LPGAT1: variants seen among roughly 807,000 people sequenced by gnomAD.
The protein encoded by LPGAT1 is lysophosphatidylglycerol acyltransferase 1.
Under a neutral mutation model 47.5 loss-of-function variants are expected in LPGAT1, and 11 were observed. That is an observed-to-expected ratio of 0.23 (90% confidence interval 0.15 to 0.38). The LOEUF is 0.38. LPGAT1 is among the 10% of genes least tolerant of loss of function. The probability of loss-of-function intolerance (pLI) is 1.00; values close to 1 mark genes in which losing one functional copy is unlikely to be tolerated. For synonymous variants in LPGAT1, 138 were observed against 144.2 expected, an observed-to-expected ratio of 0.96 and a Z score of 0.31; for missense variants, 293 against 439.0, an observed-to-expected ratio of 0.67 and a Z score of 2.97.
intron 2 of LPGAT1, among the ~76,000 whole-genome samples, chr1:211,817,225 C>T (rs944878925): frequency 6.6e-6 from 1 of 152,158 alleles, no homozygotes; most frequent in African/African-American, 2.4e-5. Context: ...TTTCAAAAAA[C>T]TTGTCACAAA....
intron 2 of LPGAT1, among the ~76,000 whole-genome samples, chr1:211,807,928 G>A (rs1659820660): frequency 6.6e-6 from 1 of 151,956 alleles, no homozygotes; most frequent in Non-Finnish European, 1.5e-5. Context: ...CTTGGGGGCT[G>A]CCCAATTTTT....
At chr1:211,759,006 G>C (rs955817414) in intron 6 of LPGAT1, among the ~76,000 whole-genome samples, 2 of 152,116 alleles carry the variant, frequency 1.3e-5, no homozygotes, top group African/African-American at 4.8e-5. Context: ...TACTTTGATT[G>C]ATTTGAATTT....
At chr1:211,779,356 C>T (rs1658541340) in intron 5 of LPGAT1, among the ~76,000 whole-genome samples, 1 of 152,004 alleles carries the variant, frequency 6.6e-6, no homozygotes, top group African/African-American at 2.4e-5. Flanking sequence ...AAAAAACTAA[C>T]CTATGAAAAG....
chr1:211,808,075 A>T (rs1659827037), intron 2 of LPGAT1, among the ~76,000 whole-genome samples: 1 of 132,824 alleles, frequency 7.5e-6, no homozygotes, highest in Non-Finnish European at 1.7e-5. Flanking sequence ...AAGTATATAG[A>T]AAACTCACGC....
intron 4 of LPGAT1, among the ~76,000 whole-genome samples, chr1:211,783,734 T>C (rs1658732707): frequency 6.6e-6 from 1 of 152,336 alleles, no homozygotes; most frequent in Middle Eastern, 3.4e-3. Context: ...ATTGTTCTGA[T>C]TGCCCTTGAA....
At chr1:211,787,844 C>CGG (rs1398797867) in intron 3 of LPGAT1, 117 bp from the exon 4 acceptor site, 5 of 592,504 alleles carry the variant, frequency 8.4e-6, no homozygotes, top group Non-Finnish European at 1.5e-5. Context: ...ACCAAAATAT[C>CGG]TTAAGTCTAA....
intron 2 of LPGAT1, among the ~76,000 whole-genome samples, chr1:211,828,123 A>G (rs558600654): frequency 3.3e-4 from 51 of 152,324 alleles, no homozygotes; most frequent in African/African-American, 1.0e-3. Context: ...TCACTCTGCC[A>G]AGCTATGAAC....
At chr1:211,816,718 C>T (rs1486940979) in intron 2 of LPGAT1, among the ~76,000 whole-genome samples, 1 of 152,042 alleles carries the variant, frequency 6.6e-6, no homozygotes, top group African/African-American at 2.4e-5. Context: ...GTGCCAAACA[C>T]CAGGCTTCAC....
At position 211,820,192 on chromosome 1, in the gene LPGAT1, T is replaced by C. The variant is rs1379210726; in HGVS notation, c.238+8867A>G. On this transcript the variant is annotated intron_variant, in intron 2 of 7. Transcript: ENST00000366997. Reference sequence around the variant, plus strand: ...TGTCATATGTGAAAAAGACTACCTCTGAGGCAGAAATCTGGAAATCTACCC... The same window carrying C: ...TGTCATATGTGAAAAAGACTACCTCCGAGGCAGAAATCTGGAAATCTACCC... Among the ~76,000 whole-genome samples the C allele has an allele frequency of 2.0e-5, 3 of 152,208 alleles. No individual in the cohort carries two copies. In the East Asian group the frequency reaches 5.8e-4, roughly 29 times the overall value.
chr1:211,763,699 C>T (rs890911317), intron 6 of LPGAT1, among the ~76,000 whole-genome samples: 1 of 152,144 alleles, frequency 6.6e-6, no homozygotes, highest in African/African-American at 2.4e-5. Context: ...AGATACAACC[C>T]CTCTGTTTCT....
rs1277590170 is a variant in LPGAT1, at chr1:211,787,765, A to C, written c.358-38T>G. ...AAAGCAAGAAATAATATTGGATAGA[A>C]GAAACCTGACTATAGTTGAGCTGAG... On this transcript the variant is annotated intron_variant, in intron 3 of 7. Transcript: ENST00000366997. 3 of 1,329,452 alleles carry C rather than the reference A, an allele frequency of 2.3e-6. No homozygotes were observed. In the African/African-American group the frequency reaches 4.4e-5, roughly 19 times the overall value. The allele number at this position is 1,329,452 out of a possible 1,614,324, so 82.4% of individuals were successfully genotyped here. A position where few individuals can be genotyped will look rare whatever the true frequency, so the allele number is the denominator to read the frequency against.
chr1:211,745,515 C>T lies in LPGAT1; in HGVS notation c.*4384G>A, dbSNP rs1431832903. On this transcript the variant is annotated 3_prime_UTR_variant, in exon 8 of 8. Transcript: ENST00000366997. The stretch of plus-strand genomic sequence containing the variant: ...CAAGATATGTGTGCATACTTTGCAA[C>T]TAGAATACACTTAAAAAACGTTTGC... 1 of 152,110 alleles carries T rather than the reference C, an allele frequency of 6.6e-6. No homozygotes were observed. The highest frequency in any genetic ancestry group is 1.5e-5 in the Non-Finnish European group (1 of 68,022). The allele number at this position is 152,110 out of a possible 1,614,324, so 9.4% of individuals were successfully genotyped here. A position where few individuals can be genotyped will look rare whatever the true frequency, so the allele number is the denominator to read the frequency against.
intron 2 of LPGAT1, among the ~76,000 whole-genome samples, chr1:211,798,241 G>A (rs1659427103): frequency 2.0e-5 from 3 of 152,150 alleles, no homozygotes; most frequent in Admixed American, 2.0e-4. Flanking sequence ...TATCATTAAT[G>A]CTACGTAAAC....
At chr1:211,777,866 T>C (rs1658468655) in intron 6 of LPGAT1, among the ~76,000 whole-genome samples, 1 of 152,082 alleles carries the variant, frequency 6.6e-6, no homozygotes, top group African/African-American at 2.4e-5. Context: ...CAGCACAAAA[T>C]ACAGGTCATA....
intron 2 of LPGAT1, among the ~76,000 whole-genome samples, chr1:211,803,380 T>C (rs376352832): frequency 2.6e-5 from 4 of 152,118 alleles, no homozygotes; most frequent in South Asian, 4.1e-4. Flanking sequence ...AGGAAGATAA[T>C]CAGGATGTCG....
intron 5 of LPGAT1, among the ~76,000 whole-genome samples, chr1:211,780,050 G>A (rs192747132): frequency 1.3e-4 from 20 of 151,300 alleles, no homozygotes; most frequent in African/African-American, 3.6e-4. Flanking sequence ...GGTAGTGCAC[G>A]CTTGTAATCC....
At chr1:211,783,178 C>T (rs911820949) in intron 5 of LPGAT1, 51 bp downstream of exon 5, 1 of 1,478,486 alleles carries the variant, frequency 6.8e-7, no homozygotes, top group Non-Finnish European at 9.1e-7. Flanking sequence ...TCTGTAACTC[C>T]AGAAAATCCT....
intron 3 of LPGAT1, among the ~76,000 whole-genome samples, chr1:211,790,202 C>T (rs1659053530): frequency 6.6e-6 from 1 of 152,026 alleles, no homozygotes; most frequent in South Asian, 2.1e-4. Context: ...GTCCTTGTGA[C>T]AACAAGGACT....
chr1:211,754,708 A>T (rs1331330683), intron 6 of LPGAT1, among the ~76,000 whole-genome samples: 2 of 152,098 alleles, frequency 1.3e-5, no homozygotes, highest in Non-Finnish European at 1.5e-5. Flanking sequence ...AATTATAATG[A>T]TGCATACCAT....
Sources: allele counts gnomAD v4.1 joint callset (sites outside exome capture counted in the v4.1 genomes callset), GRCh38; gene constraint gnomAD v4.1.1; transcripts MANE v1.5; gene names NCBI Gene and HGNC (gene_info 2026-07-23, HGNC 2026-07-21).